Variants in CCDC171 observed in about 807,000 individuals in gnomAD.
CCDC171 encodes coiled-coil domain containing 171, also known as coiled-coil domain-containing protein 171.
In CCDC171, 177 loss-of-function variants were observed where a neutral mutation model predicts 168.2. That is an observed-to-expected ratio of 1.05 (90% CI 0.93 to 1.19). The LOEUF (loss-of-function observed/expected upper bound fraction) is 1.19, where lower values mean the gene tolerates loss of function less well. CCDC171 is among the 50% of genes most tolerant of loss of function. The probability of loss-of-function intolerance (pLI) is 0.00; values close to 1 mark genes in which losing one functional copy is unlikely to be tolerated. For synonymous variants in CCDC171, 687 were observed against 540.8 expected, an observed-to-expected ratio of 1.27 and a Z score of -3.75; for missense variants, 1,991 against 1,539.0, an observed-to-expected ratio of 1.29 and a Z score of -4.91.
intron 3 of CCDC171, among the ~76,000 whole-genome samples, chr9:15,981,670 G>A (rs899755462): frequency 2.5e-4 from 38 of 152,128 alleles, no homozygotes; most frequent in Non-Finnish European, 2.5e-4. Context: ...TCATTTTAAA[G>A]TAGGCCAGAA....
rs184582882 is a variant in CCDC171, at chr9:15,644,577, G to A, written c.823-12550G>A. On this transcript the variant is annotated intron_variant, in intron 7 of 25. Transcript: ENST00000380701. ...CACTTTTCCAGTGGTCTTAGCAAAC[G>A]GAACACCAGGAGATTATATCCCGCA... 7.4e-4 allele frequency among the ~76,000 whole-genome samples: 113 copies of A among 152,328 alleles called. 2 individuals are homozygous for A. In the Middle Eastern group the frequency reaches 0.02, roughly 28 times the overall value.
chr9:15,693,193 C>T (rs2050948549), intron 10 of CCDC171, among the ~76,000 whole-genome samples: 1 of 108,808 alleles, frequency 9.2e-6, no homozygotes, highest in African/African-American at 3.5e-5. Flanking sequence ...ATTCTCTCTG[C>T]GTTTACAAAT....
chr9:15,889,527 G>A (rs1819910681), intron 24 of CCDC171, among the ~76,000 whole-genome samples: 2 of 152,122 alleles, frequency 1.3e-5, no homozygotes, highest in African/African-American at 4.8e-5. Flanking sequence ...TATGCCACTT[G>A]AAAACTCGAA....
chr9:15,691,299 C>G (rs2133683665), intron 10 of CCDC171, among the ~76,000 whole-genome samples: 1 of 151,728 alleles, frequency 6.6e-6, no homozygotes, highest in Admixed American at 6.6e-5. Context: ...AGATGTGAAA[C>G]ATACTATGAG....
chr9:15,955,587 T>A (rs1015366837), intron 25 of CCDC171, among the ~76,000 whole-genome samples: 1 of 152,136 alleles, frequency 6.6e-6, no homozygotes, highest in Admixed American at 6.6e-5. Context: ...GAGCTAAAAT[T>A]GACTGAAATT....
chr9:15,985,424 G>T (rs1230591107), intron 3 of CCDC171, among the ~76,000 whole-genome samples: 1 of 152,166 alleles, frequency 6.6e-6, no homozygotes, highest in African/African-American at 2.4e-5. Context: ...ACTGTTAACA[G>T]GGACAGTCCT....
chr9:16,099,202 C>T, the CCDC171 span, among the ~76,000 whole-genome samples: 2 of 152,286 alleles, frequency 1.3e-5, no homozygotes, highest in African/African-American at 4.8e-5. Context: ...AAAGCACCAC[C>T]AGGCTTTTAG....
chr9:15,857,337 G>A (rs1020724813), intron 23 of CCDC171, among the ~76,000 whole-genome samples: 1 of 151,850 alleles, frequency 6.6e-6, no homozygotes, highest in Non-Finnish European at 1.5e-5. Flanking sequence ...TCTATGTCTT[G>A]TTCTAGGAAA....
chr9:15,935,368 T>C (rs967645001), intron 25 of CCDC171, among the ~76,000 whole-genome samples: 7 of 151,968 alleles, frequency 4.6e-5, no homozygotes, highest in Non-Finnish European at 1.0e-4. Flanking sequence ...TCTCCCTGGG[T>C]CTTGGTTTTC....
At chr9:15,912,104 A>G (rs958379911) in intron 24 of CCDC171, among the ~76,000 whole-genome samples, 1 of 152,224 alleles carries the variant, frequency 6.6e-6, no homozygotes, top group Non-Finnish European at 1.5e-5. Flanking sequence ...TGGTGGCTTG[A>G]TGGCAATGGC....
intron 23 of CCDC171, among the ~76,000 whole-genome samples, chr9:15,856,463 A>C (rs115622197): frequency 0.012 from 1,787 of 152,144 alleles, 38 homozygotes; most frequent in African/African-American, 0.041. Context: ...TATTTCACTT[A>C]GTATAATGTC....
At chr9:16,049,498 A>G (rs930044419) in intron 1 of CCDC171, among the ~76,000 whole-genome samples, 3 of 152,200 alleles carry the variant, frequency 2.0e-5, no homozygotes, top group African/African-American at 7.2e-5. Context: ...CACAGAAGGC[A>G]AACTGGTCTT....
intron 6 of CCDC171, among the ~76,000 whole-genome samples, chr9:16,033,731 G>C (rs1267288458): frequency 7.6e-6 from 1 of 131,588 alleles, no homozygotes; most frequent in Non-Finnish European, 1.6e-5. Flanking sequence ...CACAAAACCA[G>C]TCCCTGGTGC....
At chr9:16,064,609 A>G (rs146206043), downstream of CCDC171, among the ~76,000 whole-genome samples, 23 of 152,280 alleles carry the variant, frequency 1.5e-4, no homozygotes, top group East Asian at 2.9e-3. Context: ...TTGGCTCTCA[A>G]TGAGGATCTT....
intron 1 of CCDC171, among the ~76,000 whole-genome samples, chr9:16,050,626 T>C (rs1171492642): frequency 1.3e-5 from 2 of 152,230 alleles, no homozygotes; most frequent in African/African-American, 4.8e-5. Context: ...TTATGCACTT[T>C]TTTGCAAATT....
chr9:15,899,671 G>A (rs908163643), intron 24 of CCDC171, among the ~76,000 whole-genome samples: 4 of 151,810 alleles, frequency 2.6e-5, no homozygotes, highest in African/African-American at 7.3e-5. Flanking sequence ...ATTCTCTTTC[G>A]TAAAATGTAT....
chr9:15,659,036 T>C (rs1332233970), intron 8 of CCDC171, among the ~76,000 whole-genome samples: 1 of 152,174 alleles, frequency 6.6e-6, no homozygotes, highest in Non-Finnish European at 1.5e-5. Flanking sequence ...GCAGATGCAG[T>C]TGACTGTCAA....
chr9:16,074,691 C>A, the CCDC171 span, among the ~76,000 whole-genome samples: 1 of 151,996 alleles, frequency 6.6e-6, no homozygotes, highest in Admixed American at 6.6e-5. Context: ...AAAGAGGTGG[C>A]AGAAGATATT....
At chr9:16,017,884 A>G (rs1392187895) in intron 3 of CCDC171, among the ~76,000 whole-genome samples, 1 of 152,224 alleles carries the variant, frequency 6.6e-6, no homozygotes, top group Non-Finnish European at 1.5e-5. Flanking sequence ...TGGGTCACAG[A>G]GAGAACTGCT....
Sources: gnomAD v4.1 joint callset for allele counts (sites outside exome capture counted in the v4.1 genomes callset) on GRCh38, gnomAD v4.1.1 for gene constraint, MANE v1.5 for transcripts, NCBI Gene and HGNC (gene_info 2026-07-23, HGNC 2026-07-21) for gene names.